Variants in CIB4 observed in about 807,000 individuals in gnomAD.
CIB4 encodes calcium and integrin binding family member 4.
Under a neutral mutation model 25.8 loss-of-function variants are expected in CIB4, and 25 were observed. The ratio of observed to expected loss-of-function variants is 0.97; its 90% confidence interval spans 0.71 to 1.35. CIB4 has a LOEUF of 1.35. CIB4 is among the 40% of genes most tolerant of loss of function. The probability of loss-of-function intolerance (pLI) is 0.00; values close to 1 mark genes in which losing one functional copy is unlikely to be tolerated. For missense variants in CIB4, 235 were observed against 228.2 expected (o/e 1.03, Z -0.19); for synonymous variants, 75 against 81.4 (o/e 0.92, Z 0.42).
intron 3 of CIB4, among the ~76,000 whole-genome samples, chr2:26,620,976 T>C (rs886383414): frequency 6.7e-6 from 1 of 149,426 alleles, no homozygotes; most frequent in Admixed American, 6.7e-5. Flanking sequence ...AAGGCAAAGA[T>C]GAAAAGTAGG....
At chr2:26,584,079 G>A (rs533341757) in intron 4 of CIB4, among the ~76,000 whole-genome samples, 181 bp from the exon 5 acceptor site, 4 of 152,218 alleles carry the variant, frequency 2.6e-5, no homozygotes, top group South Asian at 4.1e-4. Context: ...ATAACCCGTC[G>A]GAAATACCAA....
At chr2:26,603,534 ATCAAT>A (rs1553374928) in intron 3 of CIB4, among the ~76,000 whole-genome samples, 2 of 152,238 alleles carry the variant, frequency 1.3e-5, no homozygotes, top group Non-Finnish European at 2.9e-5. Context: ...ACTTGAAAAT[ATCAAT>A]GATTTCAGTA....
At chr2:26,589,116 C>CT (rs1306232326) in intron 4 of CIB4, among the ~76,000 whole-genome samples, 1 of 125,026 alleles carries the variant, frequency 8.0e-6, no homozygotes, top group African/African-American at 3.9e-5. Context: ...TCCTCTTCTT[C>CT]TTCTTCTTCT....
At chr2:26,635,730 A>G (rs1669520270) in intron 2 of CIB4, among the ~76,000 whole-genome samples, 1 of 151,996 alleles carries the variant, frequency 6.6e-6, no homozygotes, top group Non-Finnish European at 1.5e-5. Context: ...CAACCCTAAC[A>G]TATTCCACTC....
intron 3 of CIB4, among the ~76,000 whole-genome samples, chr2:26,613,754 C>T (rs1264370141): frequency 2.0e-5 from 3 of 152,170 alleles, no homozygotes; most frequent in Non-Finnish European, 4.4e-5. Context: ...GCCTGGCACA[C>T]AGAAGGGGCC....
chr2:26,610,573 T>G (rs1275970), intron 3 of CIB4, among the ~76,000 whole-genome samples: 1 of 152,210 alleles, frequency 6.6e-6, no homozygotes, highest in Admixed American at 6.5e-5. Flanking sequence ...TGCTAAGGGC[T>G]CTGCCAGCCA....
chr2:26,634,484 G>A (rs1389342802), intron 2 of CIB4, among the ~76,000 whole-genome samples: 1 of 152,248 alleles, frequency 6.6e-6, no homozygotes, highest in African/African-American at 2.4e-5. Flanking sequence ...GCTGACCCAT[G>A]TGCCAGGTAT....
intron 4 of CIB4, among the ~76,000 whole-genome samples, chr2:26,584,920 G>A (rs927027238): frequency 2.6e-5 from 4 of 152,158 alleles, no homozygotes; most frequent in Non-Finnish European, 5.9e-5. Context: ...ACAGCCCAGG[G>A]CCCCTGCCTT....
chr2:26,604,837 G>A (rs1668858049), intron 3 of CIB4, among the ~76,000 whole-genome samples: 1 of 152,164 alleles, frequency 6.6e-6, no homozygotes, highest in South Asian at 2.1e-4. Context: ...TAGTTGGAGA[G>A]TTTAACATCC....
intron 3 of CIB4, among the ~76,000 whole-genome samples, chr2:26,602,118 G>T (rs1267139432): frequency 6.6e-6 from 1 of 152,162 alleles, no homozygotes; most frequent in Non-Finnish European, 1.5e-5. Context: ...AACTTTACTG[G>T]ATGCAAATCA....
chr2:26,639,393 G>T (rs1269042875), intron 2 of CIB4, among the ~76,000 whole-genome samples: 1 of 140,374 alleles, frequency 7.1e-6, no homozygotes, highest in African/African-American at 2.7e-5. Flanking sequence ...TCCCCTCCCT[G>T]TGTCCATGTG....
intron 2 of CIB4, among the ~76,000 whole-genome samples, chr2:26,633,072 T>G (rs1455682183): frequency 6.6e-6 from 1 of 152,186 alleles, no homozygotes; most frequent in Non-Finnish European, 1.5e-5. Context: ...AAGGGACCAT[T>G]GTTTCTTTTA....
intron 3 of CIB4, among the ~76,000 whole-genome samples, chr2:26,603,666 C>T (rs188150788): frequency 6.6e-5 from 10 of 151,914 alleles, no homozygotes; most frequent in Non-Finnish European, 1.2e-4. Context: ...ATCCATCATG[C>T]AAAAAAAGAA....
chr2:26,620,377 C>T (rs559303126), intron 3 of CIB4, among the ~76,000 whole-genome samples: 1 of 152,204 alleles, frequency 6.6e-6, no homozygotes, highest in Non-Finnish European at 1.5e-5. Context: ...CCCCCACCCC[C>T]GCCAACCTAC....
At chr2:26,589,120 TTC>T (rs1668533457) in intron 4 of CIB4, among the ~76,000 whole-genome samples, 1 of 119,988 alleles carries the variant, frequency 8.3e-6, no homozygotes, top group African/African-American at 4.4e-5. Flanking sequence ...CTTCTTCTTC[TTC>T]TTCTTCTTCT....
At chr2:26,600,705 C>T (rs1668765815) in intron 3 of CIB4, among the ~76,000 whole-genome samples, 1 of 152,124 alleles carries the variant, frequency 6.6e-6, no homozygotes, top group Non-Finnish European at 1.5e-5. Context: ...ATTTTAGTGC[C>T]TTTTAAAACT....
chr2:26,627,917 T>G lies in CIB4; in HGVS notation c.186+1493A>C, dbSNP rs1669339329. Among the ~76,000 whole-genome samples the G allele has an allele frequency of 1.3e-5, 2 of 152,196 alleles. No individual in the cohort carries two copies. The highest frequency in any genetic ancestry group is 4.8e-5 in the African/African-American group (2 of 41,450). ...GCAGCCGTGGCTTGAATGACATGTC[T>G]GTGCCCCCTCCATGTCCCTTCCTCA... On this transcript the variant is annotated intron_variant, in intron 3 of 6. Coordinates refer to ENST00000288861, the MANE Select transcript of CIB4 (RefSeq NM_001029881.3). The surrounding 1 kb of genome is among the most constrained non-coding windows in gnomAD (Gnocchi z 4.0).
intron 3 of CIB4, chr2:26,623,760 G>A (rs1041037693): frequency 3.2e-6 from 1 of 317,212 alleles, no homozygotes; most frequent in African/African-American, 2.2e-5. Flanking sequence ...GGCCCCGCCA[G>A]TGTGCAGGCC....
At chr2:26,625,201 A>T (rs1280927958) in intron 3 of CIB4, among the ~76,000 whole-genome samples, 1 of 152,148 alleles carries the variant, frequency 6.6e-6, no homozygotes, top group Non-Finnish European at 1.5e-5. Context: ...GGATGCTAGA[A>T]CACCCGTCAG....
Sources: allele counts gnomAD v4.1 joint callset (sites outside exome capture counted in the v4.1 genomes callset), GRCh38; gene constraint gnomAD v4.1.1; non-coding constraint Gnocchi (gnomAD v3.1); transcripts MANE v1.5; gene names NCBI Gene and HGNC (gene_info 2026-07-23, HGNC 2026-07-21).